HIVEP1: variants seen among roughly 807,000 people sequenced by gnomAD.
HIVEP1 encodes the protein zinc finger protein 40.
A neutral mutation model predicts 180.0 loss-of-function variants in HIVEP1; 36 were observed. The observed-to-expected ratio is 0.20, with a 90% confidence interval of 0.15 to 0.26. HIVEP1 has a LOEUF of 0.26. Among genes scored for constraint, HIVEP1 ranks in the 10% least tolerant of loss-of-function variants. HIVEP1 has a pLI of 1.00. For missense variants in HIVEP1, 3,143 were observed against 3,268.7 expected (o/e 0.96, Z 0.94); for synonymous variants, 1,239 against 1,239.0 (o/e 1.00, Z 0.00).
chr6:12,167,643 A>ATTACATGTAATTACATAATACATGTAT (rs1562023620), downstream of HIVEP1, among the ~76,000 whole-genome samples: 62 of 24,026 alleles, frequency 2.6e-3, 1 homozygote, highest in East Asian at 0.081. Flanking sequence ...ATATATACAT[A>ATTACATGTAATTACATAATACATGTAT]TACATATATA....
chr6:12,158,718 G>A (rs1485275940), intron 7 of HIVEP1, among the ~76,000 whole-genome samples: 1 of 152,134 alleles, frequency 6.6e-6, no homozygotes, highest in Non-Finnish European at 1.5e-5. Context: ...CAGGTTGTAT[G>A]TGTATGTTTT....
intron 2 of HIVEP1, among the ~76,000 whole-genome samples, chr6:12,066,076 G>A (rs1158158477): frequency 6.6e-6 from 1 of 152,140 alleles, no homozygotes; most frequent in Non-Finnish European, 1.5e-5. Flanking sequence ...GCAGCAGTGG[G>A]GGAAGGCAAG....
chr6:12,146,320 G>A (rs1357256091), intron 7 of HIVEP1, among the ~76,000 whole-genome samples: 2 of 152,134 alleles, frequency 1.3e-5, no homozygotes, highest in East Asian at 3.9e-4. Flanking sequence ...GCGCATGCCT[G>A]TAATCCCAGC....
chr6:12,109,766 C>T (rs1310260916), intron 3 of HIVEP1, among the ~76,000 whole-genome samples: 1 of 152,222 alleles, frequency 6.6e-6, no homozygotes, highest in Non-Finnish European at 1.5e-5. Flanking sequence ...TTTTGACCTC[C>T]TCTCATCAAT....
Position 12,125,471 on chromosome 6 carries a change from C to G in HIVEP1, c.5676C>G (p.Asn1892Lys), listed in dbSNP as rs748545630. ...CTCCTTTGAAATGTACAGACAATAA[C>G]CAAGAAAGGAAGTCTCCAGGGGTTA... is the stretch of plus-strand genomic sequence containing the variant. ...HISPLKCTDNNQERKSPGVKN... is the reference protein window; with the variant it reads ...HISPLKCTDNKQERKSPGVKN... The change falls in exon 4 of 9, where the codon AAC (asparagine) becomes AAG (lysine). Residue 1892 changes from asparagine to lysine, a missense_variant. Physicochemically the swap from Asn to Lys is moderately conservative, Grantham distance 94. Coordinates refer to ENST00000379388, the MANE Select transcript of HIVEP1 (RefSeq NM_002114.4). 19 of 1,613,894 alleles carry G rather than the reference C, an allele frequency of 1.2e-5. No homozygotes were observed. Among genetic ancestry groups the G allele is most frequent in the Admixed American group, 1.7e-5 (1 of 59,988 alleles).
Position 12,122,373 on chromosome 6 carries a change from C to A in HIVEP1, c.2578C>A (p.Pro860Thr), listed in dbSNP as rs1182660776. ...VPANIIPPPH[P>T]LRGSQSFDDK... ...TGCAAATATAATACCTCCTCCTCATCCACTAAGAGGAAGTCAGTCATTTGA... is the reference window on the plus strand; with the variant it reads ...TGCAAATATAATACCTCCTCCTCATACACTAAGAGGAAGTCAGTCATTTGA... Residue 860 changes from proline (P) to threonine (T), a missense_variant, in exon 4 of 9, where the codon CCA (proline) becomes ACA (threonine). Around this residue, in one of 12 missense-constraint regions of HIVEP1, gnomAD observed 204 missense variants for 243.7 expected, o/e 0.84. Coordinates refer to ENST00000379388, the MANE Select transcript of HIVEP1 (RefSeq NM_002114.4). The A allele has an allele frequency of 6.2e-7, 1 of 1,613,914 alleles. No homozygotes were observed. Among genetic ancestry groups the A allele is most frequent in the Non-Finnish European group, 8.5e-7 (1 of 1,179,850 alleles).
intron 2 of HIVEP1, among the ~76,000 whole-genome samples, chr6:12,040,905 T>C (rs1769641210): frequency 6.6e-6 from 1 of 152,048 alleles, no homozygotes; most frequent in South Asian, 2.1e-4. Context: ...CACACACTTT[T>C]AAACAACCAG....
chr6:12,172,924 C>T, the HIVEP1 span, among the ~76,000 whole-genome samples: 455 of 151,642 alleles, frequency 3.0e-3, no homozygotes, highest in African/African-American at 0.01. Context: ...TCTACAAAAA[C>T]GAGTATGTCC....
chr6:12,120,356 G>A lies in HIVEP1; in HGVS notation c.561G>A (p.Thr187=), dbSNP rs755134533. The A allele has an allele frequency of 1.1e-5, 18 of 1,613,982 alleles. No homozygotes were observed. In the South Asian group the frequency reaches 1.5e-4, roughly 14 times the overall value. The change falls in exon 4 of 9, where the codon ACG becomes ACA. Residue 187 remains threonine, a synonymous_variant. Coordinates refer to ENST00000379388, the MANE Select transcript of HIVEP1 (RefSeq NM_002114.4). ...SECISSHCGT[T]SPSYTNTAFD... ...GCATCTCTTCTCATTGTGGCACTAC[G>A]TCCCCCTCCTATACAAACACTGCAT... is the stretch of plus-strand genomic sequence containing the variant.
chr6:12,136,298 C>T (rs906074005), intron 7 of HIVEP1, among the ~76,000 whole-genome samples: 2 of 152,188 alleles, frequency 1.3e-5, no homozygotes, highest in Non-Finnish European at 2.9e-5. Flanking sequence ...ACATTGATCG[C>T]TCTTCACCTT....
chr6:12,130,508 A>G (rs978448516), intron 5 of HIVEP1, among the ~76,000 whole-genome samples: 2 of 152,172 alleles, frequency 1.3e-5, no homozygotes, highest in African/African-American at 4.8e-5. Context: ...ACTGGGCTCC[A>G]GCCTGGGCAA....
rs932303888 is a variant in HIVEP1, at chr6:12,120,660, C to A, written c.865C>A (p.His289Asn). The change falls in exon 4 of 9, where the codon CAC becomes AAC. Residue 289 changes from histidine (H) to asparagine (N), a missense_variant. Physicochemically the swap from His to Asn is moderately conservative, Grantham distance 68. Transcript: ENST00000379388. The part of the protein sequence containing the change: ...SASHLYHQHE[H>N]FVPKSNQHNQ... Reference sequence around the variant, plus strand: ...TTCTCATTTGTATCATCAACATGAACACTTTGTTCCCAAATCCAACCAACA... The same window carrying A: ...TTCTCATTTGTATCATCAACATGAAAACTTTGTTCCCAAATCCAACCAACA... The A allele has an allele frequency of 4.3e-6, 7 of 1,614,102 alleles. No homozygotes were observed. Among genetic ancestry groups the A allele is most frequent in the Non-Finnish European group, 3.4e-6 (4 of 1,180,042 alleles).
chr6:12,190,496 C>G, the HIVEP1 span, among the ~76,000 whole-genome samples: 1 of 152,154 alleles, frequency 6.6e-6, no homozygotes, highest in Non-Finnish European at 1.5e-5. Context: ...GCTTTGGAGC[C>G]TGTGCACTGC....
At chr6:12,189,140 A>C in the HIVEP1 span, among the ~76,000 whole-genome samples, 1,176 of 152,052 alleles carry the variant, frequency 7.7e-3, 17 homozygotes, top group African/African-American at 0.027. Context: ...GAGAAAAATT[A>C]ATTTGAACCC....
intron 6 of HIVEP1, among the ~76,000 whole-genome samples, 159 bp downstream of exon 6, chr6:12,131,101 T>C (rs2113567388): frequency 6.6e-6 from 1 of 152,162 alleles, no homozygotes; most frequent in Admixed American, 6.5e-5. Context: ...TTTATATGAT[T>C]TTAGACCCAT....
At chr6:12,142,407 C>T (rs183055574) in intron 7 of HIVEP1, among the ~76,000 whole-genome samples, 134 of 152,260 alleles carry the variant, frequency 8.8e-4, no homozygotes, top group African/African-American at 2.9e-3. Flanking sequence ...ACATTTATAG[C>T]ACTAAATGCC....
At chr6:12,026,904 T>C (rs1429964316) in intron 2 of HIVEP1, among the ~76,000 whole-genome samples, 2 of 152,190 alleles carry the variant, frequency 1.3e-5, no homozygotes. Context: ...TAGGGGTTGG[T>C]AGGGGTGATG....
chr6:12,106,015 CAT>C (rs1253695054), intron 3 of HIVEP1, among the ~76,000 whole-genome samples: 2 of 151,124 alleles, frequency 1.3e-5, no homozygotes, highest in Admixed American at 6.6e-5. Flanking sequence ...CACATATATA[CAT>C]ATATATACAC....
chr6:12,124,738 G>T lies in HIVEP1; in HGVS notation c.4943G>T (p.Cys1648Phe), dbSNP rs772768308. 9 of 1,614,136 alleles carry T rather than the reference G, an allele frequency of 5.6e-6. No homozygotes were observed. Among genetic ancestry groups the T allele is most frequent in the Non-Finnish European group, 7.6e-6 (9 of 1,180,032 alleles). ...CTGCAGAGTAGTGTTCCTGCTTACT[G>T]TTTTGCTACACTCACATCCCTGCCA... Reference protein sequence around the residue: ...IRLQSSVPAYCFATLTSLPQI... With the variant: ...IRLQSSVPAYFFATLTSLPQI... The change falls in exon 4 of 9, where the codon TGT becomes TTT. Residue 1648 changes from cysteine to phenylalanine, a missense_variant. By Grantham distance (205) the Cys-to-Phe change is radical. This residue lies in a region of HIVEP1 where 1,357 missense variants were observed against 1,260.5 expected (regional missense o/e 1.08). Transcript: ENST00000379388.
Sources: gnomAD v4.1 joint callset for allele counts (sites outside exome capture counted in the v4.1 genomes callset) on GRCh38, gnomAD v4.1.1 for gene constraint, gnomAD v4.1.1 regional missense constraint, MANE v1.5 for transcripts, NCBI Gene and HGNC (gene_info 2026-07-23, HGNC 2026-07-21) for gene names.